Variants in ASAP2 observed in about 807,000 individuals in gnomAD.
ASAP2 encodes the protein ArfGAP with SH3 domain, ankyrin repeat and PH domain 2.
A neutral mutation model predicts 131.4 loss-of-function variants in ASAP2; 45 were observed. That is an observed-to-expected ratio of 0.34 (90% CI 0.27 to 0.44). ASAP2 has a LOEUF of 0.44. Ranked by LOEUF, ASAP2 falls within the 20% of genes least tolerant of loss-of-function variation. The pLI is 1.00. For missense variants in ASAP2, 1,011 were observed against 1,297.0 expected, an observed-to-expected ratio of 0.78 and a Z score of 3.39; for synonymous variants, 510 against 503.0, an observed-to-expected ratio of 1.01 and a Z score of -0.19.
chr2:9,212,483 T>C (rs1661639878), intron 1 of ASAP2, among the ~76,000 whole-genome samples: 1 of 152,132 alleles, frequency 6.6e-6, no homozygotes, highest in Non-Finnish European at 1.5e-5. Context: ...CTCCCTGCCT[T>C]AGGTAAATAT....
rs1383485745 is a variant in ASAP2 at position 9,232,969 on chromosome 2, T to G, written c.126+25739T>G. Among the ~76,000 whole-genome samples the G allele has an allele frequency of 6.6e-6, 1 of 152,266 alleles. No homozygotes were observed. Among genetic ancestry groups the G allele is most frequent in the East Asian group, 1.9e-4 (1 of 5,206 alleles). Reference sequence around the variant, plus strand: ...CCCAGCTGCAGTTTTGTTCTGTATCTATTGCCAGCAGGAATCCAAGGATTT... The same window carrying G: ...CCCAGCTGCAGTTTTGTTCTGTATCGATTGCCAGCAGGAATCCAAGGATTT... On this transcript the variant is annotated intron_variant, in intron 1 of 27. Transcript: ENST00000281419. The surrounding 1 kb of genome is among the most constrained non-coding windows in gnomAD (Gnocchi z 4.1).
intron 2 of ASAP2, among the ~76,000 whole-genome samples, chr2:9,282,473 A>G (rs1355710959): frequency 6.6e-6 from 1 of 152,236 alleles, no homozygotes; most frequent in Non-Finnish European, 1.5e-5. Flanking sequence ...TATTTAGTAG[A>G]GAAGTCTAAG....
intron 1 of ASAP2, among the ~76,000 whole-genome samples, chr2:9,221,894 C>T (rs1177561320): frequency 6.6e-5 from 10 of 152,056 alleles, no homozygotes; most frequent in Non-Finnish European, 1.3e-4. Flanking sequence ...CCCAGGTTCA[C>T]GCCATTCTCC....
intron 1 of ASAP2, among the ~76,000 whole-genome samples, chr2:9,234,559 G>A (rs1322548378): frequency 1.3e-4 from 20 of 152,228 alleles, no homozygotes; most frequent in Admixed American, 1.3e-3. Context: ...CCAGGGAGGG[G>A]ACAGATGGGA....
chr2:9,318,739 T>G, intron 4 of ASAP2, 141 bp downstream of exon 4: 1 of 569,470 alleles, frequency 1.8e-6, no homozygotes, highest in South Asian at 2.7e-5. Flanking sequence ...TTCCTCTGAT[T>G]TGCCATCTTG....
At chr2:9,388,181 T>G in intron 21 of ASAP2, 113 bp from the exon 22 acceptor site, 1 of 1,387,386 alleles carries the variant, frequency 7.2e-7, no homozygotes, top group Non-Finnish European at 9.9e-7. Context: ...GCTCAAATGG[T>G]ACCAGGCCCA....
intron 2 of ASAP2, among the ~76,000 whole-genome samples, chr2:9,285,423 C>T (rs1667402547): frequency 6.6e-6 from 1 of 152,216 alleles, no homozygotes; most frequent in South Asian, 2.1e-4. Flanking sequence ...AAACAGTAGT[C>T]TTCTTCCACA....
chr2:9,389,693 A>C lies in ASAP2; in HGVS notation c.2383+1147A>C, dbSNP rs571594760. Among the ~76,000 whole-genome samples, 12 of 152,310 alleles carry C rather than the reference A, an allele frequency of 7.9e-5. No individual in the cohort carries two copies. Among genetic ancestry groups the C allele is most frequent in the Admixed American group, 7.2e-4 (11 of 15,300 alleles). ...TGAGTCACTGAGTCATACCCCGAAGAACAAACCTGCTGAGAGCAGACCTTC... is the reference window on the plus strand; with the variant it reads ...TGAGTCACTGAGTCATACCCCGAAGCACAAACCTGCTGAGAGCAGACCTTC... On this transcript the variant is annotated intron_variant, in intron 22 of 27. Transcript: ENST00000281419. The surrounding 1 kb of genome is among the most constrained non-coding windows in gnomAD (Gnocchi z 4.7).
rs758647512 is a variant in ASAP2 at position 9,207,073 on chromosome 2, C to A, written c.-32C>A. 5.9e-6 allele frequency: 9 copies of A among 1,516,166 alleles called. No individual in the cohort carries two copies. The highest frequency in any genetic ancestry group is 1.2e-5 in the South Asian group (1 of 82,900). The allele number at this position is 1,516,166 out of a possible 1,614,324, so 93.9% of individuals were successfully genotyped here. A position where few individuals can be genotyped will look rare whatever the true frequency, so the allele number is the denominator to read the frequency against. On this transcript the variant is annotated 5_prime_UTR_variant, in exon 1 of 28. Coordinates refer to ENST00000281419, the MANE Select transcript of ASAP2 (RefSeq NM_003887.3). The surrounding 1 kb of genome is among the most constrained non-coding windows in gnomAD (Gnocchi z 4.1). ...GGCAGTTGAGGCGGCGGCGCCCCTG[C>A]GGCTGTGCGCCAGCGCCCTCGCGCC...
intron 16 of ASAP2, among the ~76,000 whole-genome samples, chr2:9,373,136 G>A (rs763059262): frequency 2.8e-4 from 43 of 152,108 alleles, no homozygotes; most frequent in Non-Finnish European, 5.0e-4. Context: ...CATGTGCCGG[G>A]GGACGTTGAG....
chr2:9,361,579 T>C (rs570851314), intron 15 of ASAP2, among the ~76,000 whole-genome samples: 18 of 152,244 alleles, frequency 1.2e-4, no homozygotes, highest in Middle Eastern at 6.8e-3. Context: ...CTTTTCCTTT[T>C]CTTTTTTTGA....
At chr2:9,222,685 C>T (rs567570045) in intron 1 of ASAP2, among the ~76,000 whole-genome samples, 9 of 152,248 alleles carry the variant, frequency 5.9e-5, no homozygotes, top group Non-Finnish European at 1.0e-4. Context: ...TTGCCTTGGT[C>T]GCAGCCTGCC....
At chr2:9,384,012 A>G (rs899443780) in intron 20 of ASAP2, among the ~76,000 whole-genome samples, 4 of 150,226 alleles carry the variant, frequency 2.7e-5, no homozygotes, top group African/African-American at 7.3e-5. Context: ...GGGGCCTGTC[A>G]TGGGGTGGGG....
chr2:9,334,811 A>G lies in ASAP2; in HGVS notation c.760A>G (p.Thr254Ala). ...SIETLSTDLH[T>A]IKQAQDEERR... ...TGAAACGCTGTCTACGGATCTTCAC[A>G]CGGTGAGTAGCTTCCCTCCCACTGT... The change falls in exon 8 of 28, where the codon ACG (threonine) becomes GCG (alanine). Residue 254 changes from threonine (T) to alanine (A), a missense_variant and splice_region_variant. Thr to Ala is a moderately conservative substitution (Grantham distance 58). Around this residue, in one of 2 missense-constraint regions of ASAP2, gnomAD observed 359 missense variants for 598.1 expected, o/e 0.60. Coordinates refer to ENST00000281419, the MANE Select transcript of ASAP2 (RefSeq NM_003887.3). 6.2e-7 allele frequency: 1 copy of G among 1,613,414 alleles called. No homozygotes were observed. The highest frequency in any genetic ancestry group is 8.5e-7 in the Non-Finnish European group (1 of 1,179,376).
At position 9,400,797 on chromosome 2, in the gene ASAP2, G is replaced by A; in HGVS notation, c.2790G>A (p.Gln930=). Residue 930 remains glutamine, a synonymous_variant, in exon 26 of 28, where the codon CAG becomes CAA. Coordinates refer to ENST00000281419, the MANE Select transcript of ASAP2 (RefSeq NM_003887.3). ...CTCTGTCCAATGCTATGGTCCTGCA[G>A]CCCCCTGCACCCATGCCTAGGAAGT... ...LGPLSNAMVL[Q]PPAPMPRKSQ... The A allele has an allele frequency of 1.9e-6, 3 of 1,613,708 alleles. No individual in the cohort carries two copies. Among genetic ancestry groups the A allele is most frequent in the East Asian group, 2.2e-5 (1 of 44,860 alleles).
At position 9,401,403 on chromosome 2, in the gene ASAP2, C is replaced by A; in HGVS notation, c.2946+7C>A. 1 of 1,612,682 alleles carries A rather than the reference C, an allele frequency of 6.2e-7. No homozygotes were observed. The highest frequency in any genetic ancestry group is 1.1e-5 in the South Asian group (1 of 90,912). ...GGAGGACCAGGAGTGGTGGGTGAGTCAAGGGTGGGCCTGGGAGGTTCCTGG... is the reference window on the plus strand; with the variant it reads ...GGAGGACCAGGAGTGGTGGGTGAGTAAAGGGTGGGCCTGGGAGGTTCCTGG... On this transcript the variant is annotated splice_region_variant and intron_variant, in intron 27 of 27. Transcript: ENST00000281419.
At chr2:9,254,067 G>A (rs1038666835) in intron 1 of ASAP2, among the ~76,000 whole-genome samples, 2 of 150,490 alleles carry the variant, frequency 1.3e-5, no homozygotes, top group Admixed American at 6.6e-5. Context: ...TTAGCCGGGC[G>A]TGGTGGCACG....
At position 9,392,851 on chromosome 2, in the gene ASAP2, C is replaced by T. The variant is rs1385067263; in HGVS notation, c.2519-631C>T. On this transcript the variant is annotated intron_variant, in intron 23 of 27. Coordinates refer to ENST00000281419, the MANE Select transcript of ASAP2 (RefSeq NM_003887.3). This position sits in a 1 kb window ranked among gnomAD's most constrained non-coding sequence, Gnocchi z 4.0. ...TTAATGCCTATCAAGGGAGGAGAGA[C>T]GGAGGAAGGAGACTTGGACTCACAG... Among the ~76,000 whole-genome samples the T allele has an allele frequency of 6.6e-6, 1 of 152,106 alleles. No individual in the cohort carries two copies. The highest frequency in any genetic ancestry group is 2.4e-5 in the African/African-American group (1 of 41,398).
At chr2:9,357,176 T>TAAA (rs563300721) in intron 14 of ASAP2, among the ~76,000 whole-genome samples, 3 of 142,174 alleles carry the variant, frequency 2.1e-5, no homozygotes, top group Admixed American at 7.1e-5. Flanking sequence ...TTGGATCCAT[T>TAAA]AAAAAAAAAA....
Sources: gnomAD v4.1 joint callset for allele counts (sites outside exome capture counted in the v4.1 genomes callset) on GRCh38, gnomAD v4.1.1 for gene constraint, gnomAD v4.1.1 regional missense constraint, Gnocchi (gnomAD v3.1) non-coding constraint, MANE v1.5 for transcripts, NCBI Gene and HGNC (gene_info 2026-07-23, HGNC 2026-07-21) for gene names.